The following ADAMTS1 variants were observed in gnomAD, a reference collection of about 807,000 sequenced individuals.
ADAMTS1 encodes the protein A disintegrin and metalloproteinase with thrombospondin motifs 1.
ADAMTS1 carries 19 observed loss-of-function variants against 87.9 expected under a neutral mutation model. That is an observed-to-expected ratio of 0.22 (90% confidence interval 0.15 to 0.32). The LOEUF is 0.32. Ranked by LOEUF, ADAMTS1 falls within the 10% of genes least tolerant of loss-of-function variation. The pLI is 1.00. For synonymous variants in ADAMTS1, 542 were observed against 501.8 expected (o/e 1.08, Z -1.07); for missense variants, 1,240 against 1,259.1 (o/e 0.98, Z 0.23).
chr21:26,836,890 A>G lies in ADAMTS1; in HGVS notation c.*689T>C, dbSNP rs1007405450. ...TTTTTTCCATTGTAGACTTTAATGC[A>G]CTTGAATAAATACATGGAGTTGTTT... On this transcript the variant is annotated 3_prime_UTR_variant, in exon 9 of 9. Coordinates refer to ENST00000284984, the MANE Select transcript of ADAMTS1 (RefSeq NM_006988.5). The G allele has an allele frequency of 6.6e-6, 1 of 152,206 alleles. No homozygotes were observed. The highest frequency in any genetic ancestry group is 2.4e-5 in the African/African-American group (1 of 41,448). The allele number at this position is 152,206 out of a possible 1,614,324, so 9.4% of individuals were successfully genotyped here.
rs890911034 is a variant in ADAMTS1 at position 26,844,349 on chromosome 21, G to T, written c.606C>A (p.Asp202Glu). 11 of 1,603,364 alleles carry T rather than the reference G, an allele frequency of 6.9e-6. No individual in the cohort carries two copies. The highest frequency in any genetic ancestry group is 8.5e-6 in the Non-Finnish European group (10 of 1,177,170). The change falls in exon 1 of 9, where the codon GAC (aspartate) becomes GAA (glutamate). Residue 202 changes from aspartate (D) to glutamate (E), a missense_variant. Asp to Glu is a conservative substitution (Grantham distance 45, BLOSUM62 2). Around this residue, in one of 3 missense-constraint regions of ADAMTS1, gnomAD observed 521 missense variants for 449.7 expected, o/e 1.16. Coordinates refer to ENST00000284984, the MANE Select transcript of ADAMTS1 (RefSeq NM_006988.5). ...CTTTCCCAGTCGGCCGGGGCTCGTC[G>T]TCCACGACCCCGCACGTGCCGCCGA... ...GDVGGTCGVV[D>E]DEPRPTGKAE...
intron 1 of ADAMTS1, chr21:26,843,574 C>T (rs551846109): frequency 4.3e-6 from 2 of 466,922 alleles, no homozygotes; most frequent in East Asian, 1.4e-4. Flanking sequence ...AGAATTATGG[C>T]CGCGAGAGGG....
Position 26,836,936 on chromosome 21 carries a change from C to G in ADAMTS1, c.*643G>C, listed in dbSNP as rs1223998811. On this transcript the variant is annotated 3_prime_UTR_variant, in exon 9 of 9. Transcript: ENST00000284984. ...TGTTTTTTCCTCAAAATGAATTACACAAATAAAGACTGAGATGGTCCAAAA... is the reference window on the plus strand; with the variant it reads ...TGTTTTTTCCTCAAAATGAATTACAGAAATAAAGACTGAGATGGTCCAAAA... The G allele has an allele frequency of 6.6e-6, 1 of 152,068 alleles. No individual in the cohort carries two copies. The highest frequency in any genetic ancestry group is 2.4e-5 in the African/African-American group (1 of 41,378). 9.4% of individuals were successfully genotyped at this position (152,068 alleles called of 1,614,324 possible).
chr21:26,839,705 A>T lies in ADAMTS1; in HGVS notation c.1910T>A (p.Phe637Tyr). The T allele has an allele frequency of 6.2e-7, 1 of 1,613,512 alleles. No individual in the cohort carries two copies. Among genetic ancestry groups the T allele is most frequent in the Non-Finnish European group, 8.5e-7 (1 of 1,179,466 alleles). ...EAHNEFSKAS[F>Y]GSGPAVEWIP... ...CCATTCCACCGCAGGCCCACTCCCA[A>T]AGGAAGCTTTTGAAAACTCGTTGTG... Residue 637 changes from phenylalanine (F) to tyrosine (Y), a missense_variant, in exon 7 of 9, where the codon TTT (phenylalanine) becomes TAT (tyrosine). Physicochemically the swap from Phe to Tyr is conservative, Grantham distance 22. This residue lies in a region of ADAMTS1 where 317 missense variants were observed against 410.3 expected (regional missense o/e 0.77). Transcript: ENST00000284984.
In ADAMTS1 at chr21:26,838,092, A is replaced by G; in HGVS notation, c.2391T>C (p.Val797=). The G allele has an allele frequency of 6.2e-7, 1 of 1,614,184 alleles. No homozygotes were observed. Among genetic ancestry groups the G allele is most frequent in the Non-Finnish European group, 8.5e-7 (1 of 1,180,030 alleles). ...CAGAGGAGCCGCTGTACCTCAAGAC[A>G]ACACCTTTGTACATAATGTCTTGCT... ...TLEQDIMYKG[V]VLRYSGSSAA... The change falls in exon 9 of 9, where the codon GTT becomes GTC. Residue 797 remains valine, a synonymous_variant. Transcript: ENST00000284984.
intron 7 of ADAMTS1, chr21:26,838,900 C>T: frequency 3.3e-6 from 1 of 303,184 alleles, no homozygotes; most frequent in Admixed American, 4.5e-5. Context: ...TTGTTTACTG[C>T]TGTATCTTCA....
rs113954352 is a variant in ADAMTS1, at chr21:26,838,194, G to A, written c.2289C>T (p.Asn763=). ...VKQRNQRGSR[N]NGSFLAIKAA... is the part of the protein sequence containing the mutation. ...CTTTGATGGCAAGAAAGCTGCCATT[G>A]TTCCTGGATCCCCTCTGGTTCCGCT... Residue 763 remains asparagine, a synonymous_variant, in exon 9 of 9, where the codon AAC becomes AAT. Transcript: ENST00000284984. 7.4e-6 allele frequency: 12 copies of A among 1,614,014 alleles called. No homozygotes were observed. Among genetic ancestry groups the A allele is most frequent in the African/African-American group, 6.7e-5 (5 of 74,910 alleles).
chr21:26,842,090 C>T (rs1985506197), intron 2 of ADAMTS1, 100 bp from the exon 3 acceptor site: 18 of 1,330,402 alleles, frequency 1.4e-5, no homozygotes, highest in Admixed American at 2.6e-5. Flanking sequence ...TTTGGAGCAT[C>T]TACATTCATT....
At chr21:26,839,465 T>G in intron 7 of ADAMTS1, 122 bp downstream of exon 7, 1 of 905,112 alleles carries the variant, frequency 1.1e-6, no homozygotes. Flanking sequence ...AGAAAAGGAG[T>G]TCAAATTTGA....
chr21:26,840,662 G>A, intron 4 of ADAMTS1, 100 bp from the exon 5 acceptor site: 2 of 1,346,166 alleles, frequency 1.5e-6, no homozygotes, highest in Non-Finnish European at 1.0e-6. Context: ...AAAATAGACA[G>A]CAAAGTGATC....
At position 26,837,583 on chromosome 21, in the gene ADAMTS1, C is replaced by G; in HGVS notation, c.2900G>C (p.Ser967Thr). 1.2e-6 allele frequency: 2 copies of G among 1,613,750 alleles called. No individual in the cohort carries two copies. The highest frequency in any genetic ancestry group is 2.2e-5 in the South Asian group (2 of 91,070). Residue 967 changes from serine to threonine, a missense_variant, in exon 9 of 9, where the codon AGT becomes ACT. Around this residue, in one of 3 missense-constraint regions of ADAMTS1, gnomAD observed 402 missense variants for 399.1 expected, o/e 1.01. Transcript: ENST00000284984. The part of the protein sequence containing the change: ...FIDFCTMAEC[S>T] Reference sequence around the variant, plus strand: ...AGCTAACACCACTTAAACCACTTAACTGCATTCTGCCATTGTGCAAAAGTC... The same window carrying G: ...AGCTAACACCACTTAAACCACTTAAGTGCATTCTGCCATTGTGCAAAAGTC...
chr21:26,836,841 A>C lies in ADAMTS1; in HGVS notation c.*738T>G, dbSNP rs770866005. 6.6e-6 allele frequency: 1 copy of C among 152,258 alleles called. No individual in the cohort carries two copies. The highest frequency in any genetic ancestry group is 1.5e-5 in the Non-Finnish European group (1 of 68,050). The allele number at this position is 152,258 out of a possible 1,614,324, so 9.4% of individuals were successfully genotyped here. A position where few individuals can be genotyped will look rare whatever the true frequency, so the allele number is the denominator to read the frequency against. ...GCTCATTGTGTCTCCTCTAGCTTTT[A>C]CCAGCATCTAATGCTTCACTGCTTT... is the stretch of plus-strand genomic sequence containing the variant. On this transcript the variant is annotated 3_prime_UTR_variant, in exon 9 of 9. Coordinates refer to ENST00000284984, the MANE Select transcript of ADAMTS1 (RefSeq NM_006988.5).
Position 26,844,898 on chromosome 21 carries a change from C to T in ADAMTS1, c.57G>A (p.Gly19=). ...FGRRKLGSDM[G]NAERAPGSRS... ...GAGACCCCGGAGCCCGCTCCGCGTTCCCCATGTCGCTGCCCAGCTTGCGCC... is the reference window on the plus strand; with the variant it reads ...GAGACCCCGGAGCCCGCTCCGCGTTTCCCATGTCGCTGCCCAGCTTGCGCC... The change falls in exon 1 of 9, where the codon GGG becomes GGA. Residue 19 remains glycine (G), a synonymous_variant. Transcript: ENST00000284984. 1 of 1,528,948 alleles carries T rather than the reference C, an allele frequency of 6.5e-7. No individual in the cohort carries two copies. The highest frequency in any genetic ancestry group is 2.3e-5 in the East Asian group (1 of 43,810). The allele number at this position is 1,528,948 out of a possible 1,614,324, so 94.7% of individuals were successfully genotyped here. A position where few individuals can be genotyped will look rare whatever the true frequency, so the allele number is the denominator to read the frequency against.
In ADAMTS1 at chr21:26,836,965, G is replaced by C. The variant is rs1379843765; in HGVS notation, c.*614C>G. 1.3e-5 allele frequency: 2 copies of C among 152,250 alleles called. No individual in the cohort carries two copies. Among genetic ancestry groups the C allele is most frequent in the Non-Finnish European group, 2.9e-5 (2 of 68,126 alleles). 9.4% of individuals were successfully genotyped at this position (152,250 alleles called of 1,614,324 possible). On this transcript the variant is annotated 3_prime_UTR_variant, in exon 9 of 9. Coordinates refer to ENST00000284984, the MANE Select transcript of ADAMTS1 (RefSeq NM_006988.5). ...TAAAGACTGAGATGGTCCAAAAAAG[G>C]AAAGAGGAAGCCATTTGCGTTATTT...
rs759325549 is a variant in ADAMTS1 at position 26,844,508 on chromosome 21, G to C, written c.447C>G (p.Phe149Leu). ...TGAAATACGCCTCCCCCAGCAGGTA[G>C]AAGGCGCCGCGCACGCCCTCGCAGA... ...LSLCEGVRGAFYLLGEAYFIQ... is the reference protein window; with the variant it reads ...LSLCEGVRGALYLLGEAYFIQ... Residue 149 changes from phenylalanine (F) to leucine (L), a missense_variant, in exon 1 of 9, where the codon TTC becomes TTG. By Grantham distance (22) the Phe-to-Leu change is conservative (BLOSUM62 0). Around this residue, in one of 3 missense-constraint regions of ADAMTS1, gnomAD observed 521 missense variants for 449.7 expected, o/e 1.16. Transcript: ENST00000284984. 3.1e-6 allele frequency: 5 copies of C among 1,597,080 alleles called. No homozygotes were observed. In the East Asian group the frequency reaches 9.1e-5, roughly 29 times the overall value.
rs750893780 is a variant in ADAMTS1, at chr21:26,844,573, T to C, written c.382A>G (p.Thr128Ala). 15 of 1,610,838 alleles carry C rather than the reference T, an allele frequency of 9.3e-6. No individual in the cohort carries two copies. The highest frequency in any genetic ancestry group is 1.7e-5 in the Admixed American group (1 of 59,770). Residue 128 changes from threonine to alanine, a missense_variant, in exon 1 of 9, where the codon ACC becomes GCC. Around this residue, in one of 3 missense-constraint regions of ADAMTS1, gnomAD observed 521 missense variants for 449.7 expected, o/e 1.16. Transcript: ENST00000284984. ...GCCGAGCTGGGATCGCCATTCACGG[T>C]GCCGGAGTAGAAGCAGTGCGCCAGG... ...TDLAHCFYSGTVNGDPSSAAA... is the reference protein window; with the variant it reads ...TDLAHCFYSGAVNGDPSSAAA...
At chr21:26,838,770 G>C in intron 7 of ADAMTS1, 156 bp from the exon 8 acceptor site, 1 of 711,150 alleles carries the variant, frequency 1.4e-6, no homozygotes, top group Non-Finnish European at 2.2e-6. Flanking sequence ...CCTTCACTTT[G>C]GCATATTTTT....
rs1298043396 is a variant in ADAMTS1 at position 26,837,904 on chromosome 21, A to G, written c.2579T>C (p.Ile860Thr). 6.2e-7 allele frequency: 1 copy of G among 1,614,102 alleles called. No individual in the cohort carries two copies. The highest frequency in any genetic ancestry group is 8.5e-7 in the Non-Finnish European group (1 of 1,180,048). ...CTTAGAACATTCGCCCCACTCTTCA[A>G]TGACCCATGCTGAAAAAGTGGGGAT... is the stretch of plus-strand genomic sequence containing the variant. The part of the protein sequence containing the change: ...NAIPTFSAWV[I>T]EEWGECSKSC... The change falls in exon 9 of 9, where the codon ATT (isoleucine) becomes ACT (threonine). Residue 860 changes from isoleucine (I) to threonine (T), a missense_variant. Ile to Thr is a moderately conservative substitution (Grantham distance 89). Transcript: ENST00000284984.
chr21:26,845,235 G>T lies in ADAMTS1; in HGVS notation c.-281C>A, dbSNP rs1985599011. Reference sequence around the variant, plus strand: ...GAGTGGCTCTGCTGGGACAAGAAGCGCTCTGGGGCGCCTCCGGGGCTGAGG... The same window carrying T: ...GAGTGGCTCTGCTGGGACAAGAAGCTCTCTGGGGCGCCTCCGGGGCTGAGG... On this transcript the variant is annotated 5_prime_UTR_variant, in exon 1 of 9. Transcript: ENST00000284984. 2.8e-6 allele frequency: 1 copy of T among 354,336 alleles called. No homozygotes were observed. Among genetic ancestry groups the T allele is most frequent in the Non-Finnish European group, 5.0e-6 (1 of 199,232 alleles). 21.9% of individuals were successfully genotyped at this position (354,336 alleles called of 1,614,324 possible).
Sources: gnomAD v4.1 joint callset for allele counts on GRCh38, gnomAD v4.1.1 for gene constraint, gnomAD v4.1.1 regional missense constraint, MANE v1.5 for transcripts, NCBI Gene and HGNC (gene_info 2026-07-23, HGNC 2026-07-21) for gene names.